GBE1: variants seen among roughly 807,000 people sequenced by gnomAD.
GBE1 encodes 1,4-alpha-glucan-branching enzyme.
GBE1 carries 70 observed loss-of-function variants against 88.8 expected under a neutral mutation model. The observed-to-expected ratio is 0.79, with a 90% CI of 0.65 to 0.96. The LOEUF is 0.96. Ranked by LOEUF, GBE1 falls within the 40% of genes least tolerant of loss-of-function variation. The pLI is 0.00. For synonymous variants in GBE1, 284 were observed against 300.1 expected (o/e 0.95, Z 0.56); for missense variants, 872 against 871.0 (o/e 1.00, Z -0.01).
At chr3:81,617,033 C>A (rs1294770886) in intron 7 of GBE1, among the ~76,000 whole-genome samples, 1 of 151,814 alleles carries the variant, frequency 6.6e-6, no homozygotes, top group Non-Finnish European at 1.5e-5. Flanking sequence ...ATTTTAATAA[C>A]CACCTGTTCA....
chr3:81,660,895 C>T (rs1186763193), intron 3 of GBE1, among the ~76,000 whole-genome samples: 1 of 151,946 alleles, frequency 6.6e-6, no homozygotes, highest in African/African-American at 2.4e-5. Flanking sequence ...AGGTTATTTC[C>T]TGTAGGCATA....
At chr3:81,737,398 TATATTTTTATATATTTATATAA>T (rs1706280362) in intron 1 of GBE1, among the ~76,000 whole-genome samples, 1 of 32,556 alleles carries the variant, frequency 3.1e-5, no homozygotes, top group Admixed American at 2.7e-4. Flanking sequence ...TTTATATAAA[TATATTTTTATATATTTATATAA>T]ATATATATAT....
chr3:81,507,690 G>GTA (rs140994395), intron 14 of GBE1, among the ~76,000 whole-genome samples: 34,829 of 150,934 alleles, frequency 0.23, 4,138 homozygotes, highest in East Asian at 0.42. Flanking sequence ...ATATATATGT[G>GTA]TATATATATA....
In GBE1 at chr3:81,591,129, C is replaced by T. The variant is rs746473533; in HGVS notation, c.1144G>A (p.Gly382Arg). Residue 382 changes from glycine to arginine, a missense_variant, in exon 9 of 16, where the codon GGA becomes AGA. By Grantham distance (125) the Gly-to-Arg change is moderately radical. Coordinates refer to ENST00000429644, the MANE Select transcript of GBE1 (RefSeq NM_000158.4). ...AAGGCATCTTCATCTACTTGTAGTC[C>T]GAAATATTCACTGTAATCACCTGAG... The part of the protein sequence containing the change: ...GFSGDYSEYF[G>R]LQVDEDALTY... 5.6e-6 allele frequency: 9 copies of T among 1,605,760 alleles called. No individual in the cohort carries two copies. The highest frequency in any genetic ancestry group is 2.2e-5 in the East Asian group (1 of 44,620).
intron 14 of GBE1, 141 bp downstream of exon 14, chr3:81,535,054 T>G: frequency 2.6e-6 from 2 of 761,844 alleles, no homozygotes; most frequent in South Asian, 3.6e-5. Flanking sequence ...CATCAACTAT[T>G]TTAAGTTCCT....
At chr3:81,593,847 C>G in intron 8 of GBE1, 61 bp downstream of exon 8, 1 of 756,918 alleles carries the variant, frequency 1.3e-6, no homozygotes, top group South Asian at 1.8e-5. Context: ...ACCAAGACAC[C>G]AGTAATGGCT....
At chr3:81,593,144 C>T (rs2106955738) in intron 8 of GBE1, among the ~76,000 whole-genome samples, 1 of 152,068 alleles carries the variant, frequency 6.6e-6, no homozygotes, top group South Asian at 2.1e-4. Flanking sequence ...GGGCAGATCA[C>T]CTGAGGTCAG....
rs1180158085 is a variant in GBE1 at position 81,761,583 on chromosome 3, T to C, written c.-66A>G. On this transcript the variant is annotated 5_prime_UTR_variant, in exon 1 of 16. Transcript: ENST00000429644. ...GTGGGGCCTGAGCGGGCGCTGGAGC[T>C]CTAGCTGGGACGCGGCGGCTAGGGC... is the stretch of plus-strand genomic sequence containing the variant. 1.3e-6 allele frequency: 2 copies of C among 1,529,576 alleles called. No individual in the cohort carries two copies. Among genetic ancestry groups the C allele is most frequent in the Non-Finnish European group, 1.8e-6 (2 of 1,139,484 alleles). The allele number at this position is 1,529,576 out of a possible 1,614,324, so 94.8% of individuals were successfully genotyped here.
intron 12 of GBE1, among the ~76,000 whole-genome samples, chr3:81,543,574 A>C (rs1703169313): frequency 6.6e-6 from 1 of 152,118 alleles, no homozygotes; most frequent in Non-Finnish European, 1.5e-5. Flanking sequence ...AAGCTCACAA[A>C]CCTAATGAAG....
At chr3:81,563,701 A>G (rs1386045208) in intron 12 of GBE1, among the ~76,000 whole-genome samples, 1 of 152,066 alleles carries the variant, frequency 6.6e-6, no homozygotes, top group Non-Finnish European at 1.5e-5. Flanking sequence ...GTGCTTATAA[A>G]ATGCTAGGTA....
intron 1 of GBE1, among the ~76,000 whole-genome samples, chr3:81,752,960 T>C (rs1706551742): frequency 1.3e-5 from 2 of 152,204 alleles, no homozygotes; most frequent in African/African-American, 4.8e-5. Flanking sequence ...AAACTATTAT[T>C]TGTTTACTGA....
rs935811486 is a variant in GBE1, at chr3:81,755,317, A to G, written c.143+6058T>C. Reference sequence around the variant, plus strand: ...GCTTGTATCAAAAACATGGGCAGTAACAGATGCTGGTTAGGATGTGCAGAA... The same window carrying G: ...GCTTGTATCAAAAACATGGGCAGTAGCAGATGCTGGTTAGGATGTGCAGAA... On this transcript the variant is annotated intron_variant, in intron 1 of 15. Coordinates refer to ENST00000429644, the MANE Select transcript of GBE1 (RefSeq NM_000158.4). Among the ~76,000 whole-genome samples the G allele has an allele frequency of 8.5e-5, 13 of 152,166 alleles. No homozygotes were observed. In the East Asian group the frequency reaches 2.5e-3, roughly 29 times the overall value.
chr3:81,583,044 G>A (rs562201516), intron 10 of GBE1, among the ~76,000 whole-genome samples: 6 of 152,054 alleles, frequency 3.9e-5, no homozygotes, highest in South Asian at 2.1e-4. Context: ...AATAAACAAT[G>A]CAATCAAGAA....
chr3:81,685,275 C>T (rs1423092883), intron 2 of GBE1, among the ~76,000 whole-genome samples: 1 of 152,106 alleles, frequency 6.6e-6, no homozygotes, highest in Non-Finnish European at 1.5e-5. Context: ...GTGCAGGCAC[C>T]TTTACCTCCT....
At position 81,648,896 on chromosome 3, in the gene GBE1, T is replaced by C. The variant is rs1704806079; in HGVS notation, c.651A>G (p.Lys217=). 2 of 1,585,884 alleles carry C rather than the reference T, an allele frequency of 1.3e-6. No individual in the cohort carries two copies. Among genetic ancestry groups the C allele is most frequent in the Admixed American group, 1.7e-5 (1 of 58,210 alleles). Reference sequence around the variant, plus strand: ...TTGGTAGTACATTGCATGTAAAATGTTTATAAGAAGCTACTTTTCCTTCAT... The same window carrying C: ...TTGGTAGTACATTGCATGTAAAATGCTTATAAGAAGCTACTTTTCCTTCAT... ...SSHEGKVASY[K]HFTCNVLPRI... The change falls in exon 5 of 16, where the codon AAA becomes AAG. Residue 217 remains lysine (K), a synonymous_variant. Transcript: ENST00000429644.
intron 14 of GBE1, among the ~76,000 whole-genome samples, chr3:81,532,319 T>C (rs1416985193): frequency 6.6e-6 from 1 of 151,988 alleles, no homozygotes; most frequent in Non-Finnish European, 1.5e-5. Context: ...TTATATTTTC[T>C]ACTCCCGCAA....
intron 2 of GBE1, among the ~76,000 whole-genome samples, chr3:81,691,046 T>C (rs1330206530): frequency 2.6e-5 from 4 of 152,068 alleles, no homozygotes; most frequent in Non-Finnish European, 5.9e-5. Flanking sequence ...TCTTCCTATA[T>C]GGCCGATGAT....
intron 7 of GBE1, among the ~76,000 whole-genome samples, chr3:81,638,270 T>C (rs1704620053): frequency 6.6e-6 from 1 of 152,142 alleles, no homozygotes; most frequent in Admixed American, 6.6e-5. Flanking sequence ...GAAATATAAC[T>C]ATATTAATTT....
rs60382701 is a variant in GBE1 at position 81,686,275 on chromosome 3, C to A, written c.314-15322G>T. On this transcript the variant is annotated intron_variant, in intron 2 of 15. Transcript: ENST00000429644. ...ATTTTAAGAAACTAGAAGTAGTCAT[C>A]TACAGCATCTACTACAACATCTACT... 5.5e-3 allele frequency among the ~76,000 whole-genome samples: 835 copies of A among 152,172 alleles called. 2 individuals are homozygous for A. Among genetic ancestry groups the A allele is most frequent in the African/African-American group, 0.019 (799 of 41,518 alleles).
Sources: allele counts gnomAD v4.1 joint callset (sites outside exome capture counted in the v4.1 genomes callset), GRCh38; gene constraint gnomAD v4.1.1; transcripts MANE v1.5; gene names NCBI Gene and HGNC (gene_info 2026-07-23, HGNC 2026-07-21).